Variants in VPS13A observed in about 807,000 individuals in gnomAD.
VPS13A encodes intermembrane lipid transfer protein VPS13A.
In VPS13A, 264 loss-of-function variants were observed where a neutral mutation model predicts 390.9. The observed-to-expected ratio is 0.68, with a 90% confidence interval of 0.61 to 0.75. The LOEUF is 0.75. VPS13A is among the 30% of genes least tolerant of loss of function. The probability of loss-of-function intolerance (pLI) is 0.00; values close to 1 mark genes in which losing one functional copy is unlikely to be tolerated. For missense variants in VPS13A, 3,409 were observed against 3,733.9 expected, an observed-to-expected ratio of 0.91 and a Z score of 2.27; for synonymous variants, 1,231 against 1,227.1, an observed-to-expected ratio of 1.00 and a Z score of -0.07.
At chr9:77,232,400 C>A (rs1400732006) in intron 17 of VPS13A, among the ~76,000 whole-genome samples, 1 of 152,122 alleles carries the variant, frequency 6.6e-6, no homozygotes, top group African/African-American at 2.4e-5. Context: ...CATGGGATAT[C>A]TTTCCATTTA....
At chr9:77,223,871 A>G (rs1823360390) in intron 13 of VPS13A, among the ~76,000 whole-genome samples, 1 of 152,010 alleles carries the variant, frequency 6.6e-6, no homozygotes, top group Admixed American at 6.6e-5. Context: ...TGCCATCTGA[A>G]CTCTCCTAGC....
chr9:77,415,456 T>G (rs1835134058), intron 71 of VPS13A, among the ~76,000 whole-genome samples: 1 of 152,196 alleles, frequency 6.6e-6, no homozygotes, highest in African/African-American at 2.4e-5. Flanking sequence ...TAATAGACAT[T>G]ACTGGTAGAA....
intron 59 of VPS13A, among the ~76,000 whole-genome samples, chr9:77,362,601 C>A (rs1222196350): frequency 1.3e-5 from 2 of 152,094 alleles, no homozygotes; most frequent in Non-Finnish European, 2.9e-5. Flanking sequence ...GTTCTGAGTC[C>A]TTTGAAATTT....
chr9:77,388,921 A>G (rs1238373511), intron 68 of VPS13A, among the ~76,000 whole-genome samples: 1 of 152,198 alleles, frequency 6.6e-6, no homozygotes, highest in Non-Finnish European at 1.5e-5. Flanking sequence ...GGAAAAAGCT[A>G]AAAACCTGTG....
chr9:77,317,836 T>G, intron 40 of VPS13A, 138 bp downstream of exon 40: 1 of 542,916 alleles, frequency 1.8e-6, no homozygotes, highest in South Asian at 3.1e-5. Flanking sequence ...TTATGAGATA[T>G]TTACAAAGTA....
rs1830710334 is a variant in VPS13A, at chr9:77,339,571, C to T, written c.6434C>T (p.Thr2145Ile). The change falls in exon 48 of 72, where the codon ACT becomes ATT. Residue 2145 changes from threonine to isoleucine, a missense_variant. By Grantham distance (89) the Thr-to-Ile change is moderately conservative (BLOSUM62 -1). Coordinates refer to ENST00000360280, the MANE Select transcript of VPS13A (RefSeq NM_033305.3). Reference protein sequence around the residue: ...LSEGHSAQICTAQLGKARLHL... With the variant: ...LSEGHSAQICIAQLGKARLHL... ...GAAGGACATTCAGCCCAGATTTGTACTGCACAGTTGGGTAAAGCCAGGCTA... is the reference window on the plus strand; with the variant it reads ...GAAGGACATTCAGCCCAGATTTGTATTGCACAGTTGGGTAAAGCCAGGCTA... 2 of 1,589,498 alleles carry T rather than the reference C, an allele frequency of 1.3e-6. No homozygotes were observed. Among genetic ancestry groups the T allele is most frequent in the Non-Finnish European group, 8.6e-7 (1 of 1,166,446 alleles).
At chr9:77,213,359 C>T in intron 9 of VPS13A, 45 bp downstream of exon 9, 1 of 1,487,280 alleles carries the variant, frequency 6.7e-7, no homozygotes, top group Non-Finnish European at 9.4e-7. Context: ...TCATATTTTG[C>T]ATGAGGTTTA....
intron 19 of VPS13A, among the ~76,000 whole-genome samples, chr9:77,241,553 C>A (rs1824499550): frequency 6.7e-6 from 1 of 150,262 alleles, no homozygotes; most frequent in African/African-American, 2.5e-5. Context: ...TTTTTCCTAT[C>A]TTCTGTCTTT....
chr9:77,368,595 G>A (rs1832573365), intron 62 of VPS13A, among the ~76,000 whole-genome samples: 1 of 152,128 alleles, frequency 6.6e-6, no homozygotes, highest in Non-Finnish European at 1.5e-5. Context: ...GCTGTGGTAT[G>A]ACAGATCACT....
At chr9:77,190,203 T>C (rs2889763) in intron 1 of VPS13A, among the ~76,000 whole-genome samples, 152,308 of 152,320 alleles carry the variant, frequency 1, 76,148 homozygotes, top group Middle Eastern at 1. Flanking sequence ...CAGATTTTGC[T>C]CATTCAGTGT....
chr9:77,345,894 T>C (rs1437681440), intron 52 of VPS13A, among the ~76,000 whole-genome samples: 2 of 152,192 alleles, frequency 1.3e-5, no homozygotes, highest in African/African-American at 2.4e-5. Flanking sequence ...GGTAGCATTC[T>C]CTCATCTATT....
Position 77,316,192 on chromosome 9 carries a change from T to C in VPS13A, c.4649T>C (p.Val1550Ala). The C allele has an allele frequency of 6.2e-7, 1 of 1,611,168 alleles. No individual in the cohort carries two copies. Among genetic ancestry groups the C allele is most frequent in the Non-Finnish European group, 8.5e-7 (1 of 1,177,888 alleles). The change falls in exon 39 of 72, where the codon GTG becomes GCG. Residue 1550 changes from valine to alanine, a missense_variant. By Grantham distance (64) the Val-to-Ala change is moderately conservative. Transcript: ENST00000360280. ...GTTTTAGTACCTACACAGGAATCAG[T>C]GAAGTGGGAAATTAATGTTATTATT... The part of the protein sequence containing the change: ...AKEEVPTQES[V>A]KWEINVIIKN...
intron 20 of VPS13A, among the ~76,000 whole-genome samples, chr9:77,249,149 G>A (rs185742687): frequency 3.9e-4 from 59 of 152,292 alleles, no homozygotes; most frequent in Admixed American, 3.6e-3. Flanking sequence ...AACCAAGAGA[G>A]GTGGATAATA....
In VPS13A at chr9:77,417,884, C is replaced by T. The variant is rs565666548; in HGVS notation, c.*1878C>T. ...CTTTCCTGTTCCCTTGCCATAAGAA[C>T]CGTGAAATCTCTCCTTTCCCTGCCA... On this transcript the variant is annotated 3_prime_UTR_variant, in exon 72 of 72. Coordinates refer to ENST00000360280, the MANE Select transcript of VPS13A (RefSeq NM_033305.3). 1.3e-5 allele frequency: 2 copies of T among 152,240 alleles called. No homozygotes were observed. Among genetic ancestry groups the T allele is most frequent in the South Asian group, 4.2e-4 (2 of 4,816 alleles). The allele number at this position is 152,240 out of a possible 1,614,324, so 9.4% of individuals were successfully genotyped here.
Position 77,318,415 on chromosome 9 carries a change from A to G in VPS13A, c.5137A>G (p.Thr1713Ala). Residue 1713 changes from threonine (T) to alanine (A), a missense_variant, in exon 41 of 72, where the codon ACT becomes GCT. Thr to Ala is a moderately conservative substitution (Grantham distance 58). Transcript: ENST00000360280. The part of the protein sequence containing the change: ...SNETEKIAPT[T>A]ELVPKGEMIK... ...TGAAACTGAAAAAATAGCTCCCACA[A>G]CTGAATTGGTACCCAAAGGCGAGAT... 6.2e-7 allele frequency: 1 copy of G among 1,613,918 alleles called. No individual in the cohort carries two copies. Among genetic ancestry groups the G allele is most frequent in the South Asian group, 1.1e-5 (1 of 91,070 alleles).
Position 77,384,704 on chromosome 9 carries a change from TA to T in VPS13A, c.9189+2618del, listed in dbSNP as rs144097110. The T allele has an allele frequency of 2.8e-3, 4,405 of 1,586,512 alleles. 13 individuals carry two copies. The highest frequency in any genetic ancestry group is 0.015 in the Middle Eastern group (70 of 4,582). ...ATTAAAATTCATATGTTCTTTATTT[TA>T]CTTGGAATGTTTCATTAACATGTTT... On this transcript the variant is annotated intron_variant, in intron 68 of 71. Transcript: ENST00000360280.
At chr9:77,358,574 A>C in intron 57 of VPS13A, 136 bp downstream of exon 57, 1 of 727,364 alleles carries the variant, frequency 1.4e-6, no homozygotes, top group Non-Finnish European at 2.4e-6. Flanking sequence ...TGCTTGAAAA[A>C]GGACCAGCAA....
intron 31 of VPS13A, among the ~76,000 whole-genome samples, chr9:77,292,735 A>G (rs1050034661): frequency 2.0e-5 from 3 of 151,960 alleles, no homozygotes; most frequent in Non-Finnish European, 4.4e-5. Flanking sequence ...CTCTTCCAAA[A>G]TTTTTTTTAA....
intron 51 of VPS13A, among the ~76,000 whole-genome samples, chr9:77,344,747 A>G (rs1331886297): frequency 1.3e-5 from 2 of 151,866 alleles, no homozygotes; most frequent in African/African-American, 4.8e-5. Context: ...CGACAGAGCA[A>G]GACTCCGTCT....
Sources: allele counts gnomAD v4.1 joint callset (sites outside exome capture counted in the v4.1 genomes callset), GRCh38; gene constraint gnomAD v4.1.1; transcripts MANE v1.5; gene names NCBI Gene and HGNC (gene_info 2026-07-23, HGNC 2026-07-21).